RANBP2: variants seen among roughly 807,000 people sequenced by gnomAD.
The protein encoded by RANBP2 is RAN binding protein 2.
RANBP2 carries 57 observed loss-of-function variants against 303.6 expected under a neutral mutation model. The observed-to-expected ratio is 0.19, with a 90% CI of 0.15 to 0.23. The LOEUF (loss-of-function observed/expected upper bound fraction) is 0.23, where lower values mean the gene tolerates loss of function less well. Ranked by LOEUF, RANBP2 falls within the 10% of genes least tolerant of loss-of-function variation. The pLI is 1.00. For synonymous variants in RANBP2, 1,167 were observed against 1,301.5 expected, an observed-to-expected ratio of 0.90 and a Z score of 2.23; for missense variants, 3,138 against 3,780.8, an observed-to-expected ratio of 0.83 and a Z score of 4.46.
At chr2:109,210,094 G>A in the RANBP2 span, among the ~76,000 whole-genome samples, 1 of 152,218 alleles carries the variant, frequency 6.6e-6, no homozygotes, top group African/African-American at 2.4e-5. Flanking sequence ...ATTTAGCACA[G>A]GGTCCTCAGG....
chr2:109,242,999 T>A, the RANBP2 span, among the ~76,000 whole-genome samples: 1 of 152,276 alleles, frequency 6.6e-6, no homozygotes, highest in East Asian at 1.9e-4. Flanking sequence ...TCTGTTATTC[T>A]GAGTGTTTGA....
chr2:109,068,193 C>G, the RANBP2 span, among the ~76,000 whole-genome samples: 215 of 151,660 alleles, frequency 1.4e-3, 8 homozygotes, highest in South Asian at 0.03. Context: ...ACTTTTTCAT[C>G]TTTTCGCGGA....
At chr2:109,545,633 TTATGTC>T in the RANBP2 span, 3 of 1,516,976 alleles carry the variant, frequency 2.0e-6, no homozygotes. Context: ...AAATACTATC[TTATGTC>T]TATAATTCCC....
the RANBP2 span, among the ~76,000 whole-genome samples, chr2:109,368,124 T>C: frequency 6.6e-6 from 1 of 152,276 alleles, no homozygotes; most frequent in Non-Finnish European, 1.5e-5. Flanking sequence ...ATTTTTGGCC[T>C]TGGCCTATTT....
At chr2:109,031,730 G>A in the RANBP2 span, among the ~76,000 whole-genome samples, 1 of 152,186 alleles carries the variant, frequency 6.6e-6, no homozygotes. Flanking sequence ...CGCGCTGCGG[G>A]CGCCGGCGAG....
chr2:109,449,794 T>C, the RANBP2 span, among the ~76,000 whole-genome samples: 1 of 152,254 alleles, frequency 6.6e-6, no homozygotes, highest in Non-Finnish European at 1.5e-5. Context: ...AAAATCATTG[T>C]AATATACTCA....
chr2:108,774,740 C>G (rs1677757512), intron 23 of RANBP2, among the ~76,000 whole-genome samples: 1 of 146,376 alleles, frequency 6.8e-6, no homozygotes, highest in Admixed American at 7.0e-5. Flanking sequence ...CAGTCTCGCT[C>G]TGTCTCCCAG....
chr2:109,344,096 C>G, the RANBP2 span, among the ~76,000 whole-genome samples: 1 of 152,156 alleles, frequency 6.6e-6, no homozygotes, highest in Non-Finnish European at 1.5e-5. Context: ...AGGCCTGACT[C>G]AGGACTAACC....
chr2:108,826,495 A>G, the RANBP2 span, among the ~76,000 whole-genome samples: 1 of 152,140 alleles, frequency 6.6e-6, no homozygotes, highest in African/African-American at 2.4e-5. Context: ...TTTCAGCATC[A>G]TTAGTTGAAA....
the RANBP2 span, among the ~76,000 whole-genome samples, chr2:108,932,390 A>G: frequency 7.3e-5 from 11 of 151,440 alleles, no homozygotes; most frequent in Admixed American, 6.6e-4. Flanking sequence ...TTACCCGGGC[A>G]TGGTGGTGGG....
the RANBP2 span, among the ~76,000 whole-genome samples, chr2:109,184,798 G>A: frequency 1.3e-5 from 2 of 152,186 alleles, no homozygotes; most frequent in African/African-American, 2.4e-5. Context: ...CCACATACAA[G>A]AAAGTATTTG....
chr2:108,936,526 G>A, the RANBP2 span, among the ~76,000 whole-genome samples: 1 of 152,072 alleles, frequency 6.6e-6, no homozygotes, highest in Non-Finnish European at 1.5e-5. Context: ...GGCCTCCCAC[G>A]CTCTCCTTCC....
the RANBP2 span, among the ~76,000 whole-genome samples, chr2:109,632,910 ATTCT>A: frequency 6.6e-6 from 1 of 152,124 alleles, no homozygotes; most frequent in South Asian, 2.1e-4. Flanking sequence ...TTCCCTTCAA[ATTCT>A]TTCAGTTCCC....
intron 7 of RANBP2, among the ~76,000 whole-genome samples, chr2:108,744,520 G>T (rs1174939650): frequency 6.6e-6 from 1 of 152,170 alleles, no homozygotes; most frequent in Admixed American, 6.5e-5. Flanking sequence ...CCGGGTTTAT[G>T]AATTGAGGTC....
chr2:109,719,007 T>TAAAA, the RANBP2 span, among the ~76,000 whole-genome samples: 3 of 22,592 alleles, frequency 1.3e-4, no homozygotes, highest in African/African-American at 2.4e-4. Flanking sequence ...AGACTCCATC[T>TAAAA]AAAAAAAAAA....
chr2:108,875,484 T>A, the RANBP2 span, among the ~76,000 whole-genome samples: 1 of 152,052 alleles, frequency 6.6e-6, no homozygotes, highest in African/African-American at 2.4e-5. Context: ...GATGATCAAA[T>A]GTTTGTCTGT....
chr2:109,361,657 G>A, the RANBP2 span, among the ~76,000 whole-genome samples: 1 of 152,234 alleles, frequency 6.6e-6, no homozygotes, highest in East Asian at 1.9e-4. Flanking sequence ...TGTATTTTTA[G>A]TAGAGATGGG....
At chr2:109,320,172 G>A in the RANBP2 span, among the ~76,000 whole-genome samples, 1 of 152,162 alleles carries the variant, frequency 6.6e-6, no homozygotes, top group Non-Finnish European at 1.5e-5. Flanking sequence ...CAGTTCTCAT[G>A]GCCGTCACAG....
the RANBP2 span, among the ~76,000 whole-genome samples, chr2:108,970,577 G>A: frequency 6.6e-6 from 1 of 152,068 alleles, no homozygotes; most frequent in Non-Finnish European, 1.5e-5. Flanking sequence ...TTGCAGGCAG[G>A]CCACACAGAG....
Sources: allele counts gnomAD v4.1 joint callset (sites outside exome capture counted in the v4.1 genomes callset), GRCh38; gene constraint gnomAD v4.1.1; transcripts MANE v1.5; gene names NCBI Gene and HGNC (gene_info 2026-07-23, HGNC 2026-07-21).